ARHGEF2: variants seen among roughly 807,000 people sequenced by gnomAD.
ARHGEF2 encodes rho guanine nucleotide exchange factor 2.
A neutral mutation model predicts 121.0 loss-of-function variants in ARHGEF2; 22 were observed. The ratio of observed to expected loss-of-function variants is 0.18; its 90% CI spans 0.13 to 0.26. The LOEUF (loss-of-function observed/expected upper bound fraction) is 0.26, where lower values mean the gene tolerates loss of function less well. Among genes scored for constraint, ARHGEF2 ranks in the 10% least tolerant of loss-of-function variants. The probability of loss-of-function intolerance (pLI) is 1.00; values close to 1 mark genes in which losing one functional copy is unlikely to be tolerated. For synonymous variants in ARHGEF2, 487 were observed against 530.0 expected (o/e 0.92, Z 1.11); for missense variants, 907 against 1,336.0 (o/e 0.68, Z 5.01).
rs767457989 is a variant in ARHGEF2, at chr1:155,952,158, C to T, written c.2062G>A (p.Glu688Lys). 1 of 1,614,150 alleles carries T rather than the reference C, an allele frequency of 6.2e-7. No homozygotes were observed. The highest frequency in any genetic ancestry group is 1.1e-5 in the South Asian group (1 of 91,076). The change falls in exon 16 of 22, where the codon GAA becomes AAA. Residue 688 changes from glutamate to lysine, a missense_variant. By Grantham distance (56) the Glu-to-Lys change is moderately conservative (BLOSUM62 1). Coordinates refer to ENST00000361247, the MANE Select transcript of ARHGEF2 (RefSeq NM_001162383.2). ...LTPREPALPL[E>K]PDSGGNTSPG... ...CTCGTGTTACCACCGCTGTCTGGTT[C>T]CAAGGGCAGGGCTGGCTCTCGGGGT...
chr1:155,947,536 G>C lies in ARHGEF2; in HGVS notation c.*406C>G. 2.4e-6 allele frequency: 1 copy of C among 416,790 alleles called. No individual in the cohort carries two copies. The highest frequency in any genetic ancestry group is 7.0e-5 in the East Asian group (1 of 14,316). 25.8% of individuals were successfully genotyped at this position (416,790 alleles called of 1,614,324 possible). On this transcript the variant is annotated 3_prime_UTR_variant, in exon 22 of 22. Coordinates refer to ENST00000361247, the MANE Select transcript of ARHGEF2 (RefSeq NM_001162383.2). ...GGATGTTGCAGGGGAGGGCCGTTAG[G>C]GCAAGAACCCAGCAGCTGCGTGGAT...
intron 1 of ARHGEF2, among the ~76,000 whole-genome samples, chr1:155,976,697 G>A (rs1461246125): frequency 1.4e-5 from 2 of 141,516 alleles, no homozygotes; most frequent in African/African-American, 5.3e-5. Context: ...AAATTTCTGC[G>A]GTTTCAAAAA....
At position 155,957,822 on chromosome 1, in the gene ARHGEF2, T is replaced by C; in HGVS notation, c.1606A>G (p.Lys536Glu). 2 of 1,614,170 alleles carry C rather than the reference T, an allele frequency of 1.2e-6. No individual in the cohort carries two copies. The highest frequency in any genetic ancestry group is 1.7e-6 in the Non-Finnish European group (2 of 1,180,022). Residue 536 changes from lysine to glutamate, a missense_variant, in exon 13 of 22, where the codon AAA becomes GAA. Physicochemically the swap from Lys to Glu is moderately conservative, Grantham distance 56 (BLOSUM62 1). Transcript: ENST00000361247. ...GCTGCGCTGATCAGAAACATCCCTT[T>C]CTCCTGGTTGGCAATGTCTCGTACG... ...LIVRDIANQEKGMFLISAAPP... is the reference protein window; with the variant it reads ...LIVRDIANQEEGMFLISAAPP...
chr1:155,950,180 C>T lies in ARHGEF2; in HGVS notation c.2887+119G>A. 1 of 1,251,406 alleles carries T rather than the reference C, an allele frequency of 8.0e-7. No individual in the cohort carries two copies. The highest frequency in any genetic ancestry group is 1.1e-6 in the Non-Finnish European group (1 of 904,080). 77.5% of individuals were successfully genotyped at this position (1,251,406 alleles called of 1,614,324 possible). ...TCATCATCAGACAAAACAGGAAGTC[C>T]CTCCCTAGAGTTACTACAAGCCTCA... is the stretch of plus-strand genomic sequence containing the variant. On this transcript the variant is annotated intron_variant, in intron 21 of 21. Coordinates refer to ENST00000361247, the MANE Select transcript of ARHGEF2 (RefSeq NM_001162383.2). The surrounding 1 kb of genome is among the most constrained non-coding windows in gnomAD (Gnocchi z 5.2).
chr1:155,952,506 G>T, intron 15 of ARHGEF2, 122 bp downstream of exon 15: 1 of 1,197,066 alleles, frequency 8.4e-7, no homozygotes, highest in Non-Finnish European at 1.2e-6. Flanking sequence ...AGGCACTCAG[G>T]GCCGTTTATG....
intron 14 of ARHGEF2, among the ~76,000 whole-genome samples, chr1:155,953,849 G>A (rs929520397): frequency 7.2e-5 from 11 of 152,016 alleles, no homozygotes; most frequent in Admixed American, 2.6e-4. Flanking sequence ...GACAGTGGGA[G>A]CTGGAGTAGC....
At position 155,951,574 on chromosome 1, in the gene ARHGEF2, A is replaced by T. The variant is rs1306976014; in HGVS notation, c.2209-41T>A. On this transcript the variant is annotated intron_variant, in intron 18 of 21. Transcript: ENST00000361247. This position sits in a 1 kb window ranked among gnomAD's most constrained non-coding sequence, Gnocchi z 5.1. ...GTGGGAACAGGGCCCCAGCTTTAGG[A>T]TGGGAGAACTGCCCAAAAGTTGAAC... 6.2e-7 allele frequency: 1 copy of T among 1,613,874 alleles called. No homozygotes were observed. The highest frequency in any genetic ancestry group is 2.2e-5 in the East Asian group (1 of 44,882).
chr1:155,970,407 C>G (rs1680232529), intron 1 of ARHGEF2: 3 of 985,366 alleles, frequency 3.0e-6, no homozygotes, highest in Non-Finnish European at 3.6e-6. Flanking sequence ...TATCACTCTT[C>G]CCACTATTCT....
Position 155,961,938 on chromosome 1 carries a change from G to C in ARHGEF2, c.1220-29C>G, listed in dbSNP as rs766617526. The C allele has an allele frequency of 5.6e-6, 9 of 1,612,606 alleles. No individual in the cohort carries two copies. The highest frequency in any genetic ancestry group is 7.6e-6 in the Non-Finnish European group (9 of 1,178,980). ...GCACCGGGGGTTGGCATGGGGAACG[G>C]CTCAACCAGTTTCACTCACACCCCA... On this transcript the variant is annotated intron_variant, in intron 10 of 21. Transcript: ENST00000361247. The surrounding 1 kb of genome is among the most constrained non-coding windows in gnomAD (Gnocchi z 4.7).
In ARHGEF2 at chr1:155,978,482, T is replaced by C. The variant is rs1276439420; in HGVS notation, c.-55A>G. ...GCGCGGACCCCGGCGTCCTGTATTG[T>C]TGGGGGAAGGCGGGGGGAGGGGTTC... On this transcript the variant is annotated 5_prime_UTR_variant, in exon 1 of 22. Coordinates refer to ENST00000361247, the MANE Select transcript of ARHGEF2 (RefSeq NM_001162383.2). The surrounding 1 kb of genome is among the most constrained non-coding windows in gnomAD (Gnocchi z 4.1). 2.9e-6 allele frequency: 4 copies of C among 1,379,462 alleles called. No homozygotes were observed. Among genetic ancestry groups the C allele is most frequent in the South Asian group, 1.6e-5 (1 of 63,598 alleles). The allele number at this position is 1,379,462 out of a possible 1,614,324, so 85.5% of individuals were successfully genotyped here.
intron 1 of ARHGEF2, among the ~76,000 whole-genome samples, chr1:155,973,646 T>C (rs1680834578): frequency 6.6e-6 from 1 of 151,536 alleles, no homozygotes; most frequent in South Asian, 2.1e-4. Context: ...CTCAGGAGGC[T>C]GAGGCAGGAG....
intron 1 of ARHGEF2, among the ~76,000 whole-genome samples, chr1:155,971,883 T>TAAAAAAAA (rs58112413): frequency 1.4e-5 from 2 of 140,404 alleles, no homozygotes; most frequent in African/African-American, 5.2e-5. Flanking sequence ...CCCATCTCTA[T>TAAAAAAAA]AAAAAAAAAA....
chr1:155,961,951 C>T lies in ARHGEF2; in HGVS notation c.1220-42G>A, dbSNP rs1338542429. On this transcript the variant is annotated intron_variant, in intron 10 of 21. Coordinates refer to ENST00000361247, the MANE Select transcript of ARHGEF2 (RefSeq NM_001162383.2). This position sits in a 1 kb window ranked among gnomAD's most constrained non-coding sequence, Gnocchi z 4.7. ...GCATGGGGAACGGCTCAACCAGTTT[C>T]ACTCACACCCCAGTTCCCATCGTGT... 2.5e-6 allele frequency: 4 copies of T among 1,611,364 alleles called. No individual in the cohort carries two copies. The highest frequency in any genetic ancestry group is 1.6e-4 in the Middle Eastern group (1 of 6,068).
upstream of ARHGEF2, chr1:155,978,659 G>A (rs1052389302): frequency 1.3e-5 from 15 of 1,133,104 alleles, no homozygotes; most frequent in South Asian, 3.2e-5. This position sits in a 1 kb window ranked among gnomAD's most constrained non-coding sequence, Gnocchi z 4.1. Context: ...CGCGCAGGAC[G>A]GGACGCCAGG....
In ARHGEF2 at chr1:155,947,215, A is replaced by C. The variant is rs1024745780; in HGVS notation, c.*727T>G. 5.3e-6 allele frequency: 2 copies of C among 376,836 alleles called. No individual in the cohort carries two copies. The highest frequency in any genetic ancestry group is 1.1e-5 in the Non-Finnish European group (2 of 189,682). The allele number at this position is 376,836 out of a possible 1,614,324, so 23.3% of individuals were successfully genotyped here. On this transcript the variant is annotated 3_prime_UTR_variant, in exon 22 of 22. Coordinates refer to ENST00000361247, the MANE Select transcript of ARHGEF2 (RefSeq NM_001162383.2). ...CTCTAATTGCCTACGATCTCTTAAA[A>C]ATATAAAACACGTGCAGTTGACTTT...
rs1281348315 is a variant in ARHGEF2, at chr1:155,961,808, G to A, written c.1321C>T (p.Arg441Cys). 3 of 1,613,808 alleles carry A rather than the reference G, an allele frequency of 1.9e-6. No individual in the cohort carries two copies. Among genetic ancestry groups the A allele is most frequent in the African/African-American group, 1.3e-5 (1 of 74,792 alleles). ...EGIYQLEKGARLQEIYNRMDP... is the reference protein window; with the variant it reads ...EGIYQLEKGACLQEIYNRMDP... The stretch of plus-strand genomic sequence containing the variant: ...ATGCGGTTGTAGATCTCCTGCAGAC[G>A]GGCCCCTTTCTCCAGCTGATAAATA... Residue 441 changes from arginine (R) to cysteine (C), a missense_variant, in exon 11 of 22, where the codon CGT (arginine) becomes TGT (cysteine). Coordinates refer to ENST00000361247, the MANE Select transcript of ARHGEF2 (RefSeq NM_001162383.2). The surrounding 1 kb of genome is among the most constrained non-coding windows in gnomAD (Gnocchi z 4.7).
chr1:155,972,465 G>A, intron 1 of ARHGEF2: 2 of 347,736 alleles, frequency 5.8e-6, no homozygotes, highest in Admixed American at 7.0e-5. Flanking sequence ...CTGCTCCAGA[G>A]GTGGAGTGAG....
intron 1 of ARHGEF2, among the ~76,000 whole-genome samples, chr1:155,971,343 C>T (rs1283704638): frequency 2.0e-5 from 3 of 150,822 alleles, no homozygotes; most frequent in East Asian, 2.0e-4. Flanking sequence ...TTTGGGAGGT[C>T]GAGGCGGGTG....
At chr1:155,979,364 G>T, upstream of ARHGEF2, 1 of 979,962 alleles carries the variant, frequency 1.0e-6, no homozygotes, top group Non-Finnish European at 1.2e-6. Context: ...GTCAAAGAAA[G>T]TTAGGGCCCA....
Sources: allele counts gnomAD v4.1 joint callset (sites outside exome capture counted in the v4.1 genomes callset), GRCh38; gene constraint gnomAD v4.1.1; non-coding constraint Gnocchi (gnomAD v3.1); transcripts MANE v1.5; gene names NCBI Gene and HGNC (gene_info 2026-07-23, HGNC 2026-07-21).